The following NAV3 variants were observed in gnomAD, a reference collection of about 807,000 sequenced individuals.
The protein encoded by NAV3 is neuron navigator 3.
A neutral mutation model predicts 244.7 loss-of-function variants in NAV3; 87 were observed. That is an observed-to-expected ratio of 0.36 (90% CI 0.30 to 0.42). The LOEUF (loss-of-function observed/expected upper bound fraction) is 0.42, where lower values mean the gene tolerates loss of function less well. Ranked by LOEUF, NAV3 falls within the 20% of genes least tolerant of loss-of-function variation. NAV3 has a pLI of 1.00. For synonymous variants in NAV3, 1,126 were observed against 1,042.2 expected, an observed-to-expected ratio of 1.08 and a Z score of -1.55; for missense variants, 2,663 against 2,893.3, an observed-to-expected ratio of 0.92 and a Z score of 1.83.
rs146452816 is a variant in NAV3 at position 77,622,820 on chromosome 12, T to C, written c.72+50554T>C. On this transcript the variant is annotated intron_variant, in intron 2 of 8. Coordinates refer to the NAV3 transcript ENST00000550042. Reference sequence around the variant, plus strand: ...TATATAAATGTATATCTATAACTTATATAGTTTAAAAGCTTTCTAGTAAGG... The same window carrying C: ...TATATAAATGTATATCTATAACTTACATAGTTTAAAAGCTTTCTAGTAAGG... 1.6e-3 allele frequency among the ~76,000 whole-genome samples: 241 copies of C among 152,300 alleles called. 1 individual carries two copies. Among genetic ancestry groups the C allele is most frequent in the African/African-American group, 5.2e-3 (215 of 41,576 alleles).
chr12:77,894,087 C>G (rs1884282858), intron 1 of NAV3, among the ~76,000 whole-genome samples: 1 of 152,172 alleles, frequency 6.6e-6, no homozygotes, highest in South Asian at 2.1e-4. Context: ...TCCAGAACTT[C>G]AGCTTCCTCC....
chr12:78,102,300 A>C (rs1473219978), intron 12 of NAV3, among the ~76,000 whole-genome samples: 1 of 152,212 alleles, frequency 6.6e-6, no homozygotes, highest in Non-Finnish European at 1.5e-5. Context: ...CCATCTGGGC[A>C]GTCAAATTGT....
At chr12:77,899,353 T>C (rs1884991086) in intron 1 of NAV3, among the ~76,000 whole-genome samples, 1 of 152,130 alleles carries the variant, frequency 6.6e-6, no homozygotes, top group Admixed American at 6.5e-5. Context: ...TGCAGCAAAT[T>C]TCACTGTCAT....
chr12:77,805,412 CTATTGAGA>C (rs1871925230), intron 2 of NAV3, among the ~76,000 whole-genome samples: 1 of 152,144 alleles, frequency 6.6e-6, no homozygotes, highest in Non-Finnish European at 1.5e-5. Context: ...TTTTCTGCAT[CTATTGAGA>C]TAATCATGTG....
intron 3 of NAV3, among the ~76,000 whole-genome samples, chr12:77,955,785 G>A (rs1230423341): frequency 4.6e-5 from 7 of 152,108 alleles, no homozygotes; most frequent in South Asian, 4.1e-4. Context: ...CAGGAGGATC[G>A]TTTGAGCCCA....
chr12:78,050,895 A>G lies in NAV3; in HGVS notation c.2264A>G (p.Asp755Gly), dbSNP rs2137251109. The G allele has an allele frequency of 6.2e-7, 1 of 1,614,020 alleles. No homozygotes were observed. The highest frequency in any genetic ancestry group is 8.5e-7 in the Non-Finnish European group (1 of 1,180,008). Residue 755 changes from aspartate (D) to glycine (G), a missense_variant, in exon 11 of 40, where the codon GAT becomes GGT. By Grantham distance (94) the Asp-to-Gly change is moderately conservative. Around this residue, in one of 6 missense-constraint regions of NAV3, gnomAD observed 1,521 missense variants for 1,497.0 expected, o/e 1.02. Transcript: ENST00000397909. Reference protein sequence around the residue: ...GQACPRLQAGDAPSLGAGYPR... With the variant: ...GQACPRLQAGGAPSLGAGYPR... Reference sequence around the variant, plus strand: ...GCATGTCCGCGACTTCAGGCGGGAGATGCTCCCTCCCTGGGTGCTGGCTAT... The same window carrying G: ...GCATGTCCGCGACTTCAGGCGGGAGGTGCTCCCTCCCTGGGTGCTGGCTAT...
At chr12:77,793,284 GGTAA>G (rs1871263769) in intron 2 of NAV3, among the ~76,000 whole-genome samples, 1 of 152,060 alleles carries the variant, frequency 6.6e-6, no homozygotes, top group Non-Finnish European at 1.5e-5. Flanking sequence ...AAAAAGAAGT[GGTAA>G]GTATTTCTCT....
chr12:78,103,161 C>T (rs1954623066), intron 12 of NAV3, among the ~76,000 whole-genome samples: 1 of 152,162 alleles, frequency 6.6e-6, no homozygotes, highest in South Asian at 2.1e-4. Flanking sequence ...GCTCTAACAA[C>T]ACCCGTCACC....
At chr12:78,002,686 T>C (rs948002561) in intron 7 of NAV3, among the ~76,000 whole-genome samples, 2 of 152,168 alleles carry the variant, frequency 1.3e-5, no homozygotes, top group Non-Finnish European at 2.9e-5. Context: ...GTTATTATTT[T>C]ACTGGTGATC....
intron 2 of NAV3, among the ~76,000 whole-genome samples, chr12:77,653,395 A>G (rs1479063414): frequency 6.6e-6 from 1 of 152,250 alleles, no homozygotes; most frequent in Non-Finnish European, 1.5e-5. Context: ...ACATGATCAT[A>G]CATGTATTTG....
chr12:77,836,916 C>T (rs1874747737), intron 1 of NAV3, among the ~76,000 whole-genome samples: 1 of 152,110 alleles, frequency 6.6e-6, no homozygotes, highest in South Asian at 2.1e-4. Flanking sequence ...TAGTTAAGGG[C>T]AACCATGGTA....
intron 2 of NAV3, among the ~76,000 whole-genome samples, chr12:77,734,591 T>C (rs1331045443): frequency 6.6e-6 from 1 of 152,196 alleles, no homozygotes; most frequent in African/African-American, 2.4e-5. Flanking sequence ...CCTGAGCAGA[T>C]GATCTACAAC....
chr12:77,723,755 C>CTTTTT (rs34518266), intron 2 of NAV3, among the ~76,000 whole-genome samples: 4,934 of 67,544 alleles, frequency 0.073, 1,027 homozygotes, highest in Non-Finnish European at 0.083. Context: ...GCAATCTTGA[C>CTTTTT]TTTTTTTTTT....
intron 2 of NAV3, among the ~76,000 whole-genome samples, chr12:77,802,343 CA>C: frequency 6.6e-6 from 1 of 152,252 alleles, no homozygotes; most frequent in Middle Eastern, 3.4e-3. Flanking sequence ...ATTTGTCTTT[CA>C]ACTATAGTTG....
chr12:77,996,218 T>C (rs1249674759), intron 6 of NAV3, among the ~76,000 whole-genome samples: 2 of 152,230 alleles, frequency 1.3e-5, no homozygotes, highest in Non-Finnish European at 2.9e-5. Flanking sequence ...TCTATGCCTA[T>C]GTCTACAGAA....
intron 11 of NAV3, 119 bp downstream of exon 11, chr12:78,051,266 C>A (rs1254970113): frequency 1.7e-6 from 2 of 1,150,752 alleles, no homozygotes; most frequent in African/African-American, 3.1e-5. Flanking sequence ...TATGAGATAT[C>A]TGAGGTTATT....
intron 9 of NAV3, among the ~76,000 whole-genome samples, chr12:78,039,032 A>G (rs893442676): frequency 6.6e-6 from 1 of 152,114 alleles, no homozygotes; most frequent in Non-Finnish European, 1.5e-5. Flanking sequence ...TGCTTATTGT[A>G]TTTATATGAT....
At chr12:77,875,419 T>C (rs191320284) in intron 1 of NAV3, among the ~76,000 whole-genome samples, 2 of 152,216 alleles carry the variant, frequency 1.3e-5, no homozygotes, top group East Asian at 3.9e-4. Flanking sequence ...TTCAATGTTC[T>C]TTATTGTATT....
chr12:77,653,696 A>G (rs1435953407), intron 2 of NAV3, among the ~76,000 whole-genome samples: 1 of 152,198 alleles, frequency 6.6e-6, no homozygotes, highest in Non-Finnish European at 1.5e-5. Context: ...AAGATGCTAT[A>G]TTGCCAATGT....
Sources: gnomAD v4.1 joint callset for allele counts (sites outside exome capture counted in the v4.1 genomes callset) on GRCh38, gnomAD v4.1.1 for gene constraint, gnomAD v4.1.1 regional missense constraint, MANE v1.5 for transcripts, NCBI Gene and HGNC (gene_info 2026-07-23, HGNC 2026-07-21) for gene names.